MIS18BP1: variants seen among roughly 807,000 people sequenced by gnomAD.
MIS18BP1 encodes the protein MIS18 binding protein 1.
A neutral mutation model predicts 116.1 loss-of-function variants in MIS18BP1; 72 were observed. The ratio of observed to expected loss-of-function variants is 0.62; its 90% CI spans 0.51 to 0.75. The LOEUF is 0.75. Ranked by LOEUF, MIS18BP1 falls within the 30% of genes least tolerant of loss-of-function variation. The pLI is 0.00. For missense variants in MIS18BP1, 1,363 were observed against 1,303.2 expected (o/e 1.05, Z -0.71); for synonymous variants, 386 against 427.0 (o/e 0.90, Z 1.18).
In MIS18BP1 at chr14:45,253,057, G is replaced by A. The variant is rs1316547553; in HGVS notation, c.-114C>T. ...TACCTTGGATGAAGAGCCTGGCAGGGAGAGACTGCCGCAGTTCCGGCTCGG... is the reference window on the plus strand; with the variant it reads ...TACCTTGGATGAAGAGCCTGGCAGGAAGAGACTGCCGCAGTTCCGGCTCGG... On this transcript the variant is annotated 5_prime_UTR_variant, in exon 1 of 17. Transcript: ENST00000310806. 2 of 152,412 alleles carry A rather than the reference G, an allele frequency of 1.3e-5. No individual in the cohort carries two copies. Among genetic ancestry groups the A allele is most frequent in the East Asian group, 3.8e-4 (2 of 5,208 alleles). 9.4% of individuals were successfully genotyped at this position (152,412 alleles called of 1,614,324 possible).
chr14:45,226,757 T>C lies in MIS18BP1; in HGVS notation c.1826A>G (p.Lys609Arg). The change falls in exon 10 of 17, where the codon AAA becomes AGA. Residue 609 changes from lysine to arginine, a missense_variant. Transcript: ENST00000310806. ...IGERTNERII[K>R]SQKQETTEEL... ...AGATATATTACCTTGCTTCTGACTT[T>C]TTATTATCCTTTCATTTGTTCTTTC... 1.4e-6 allele frequency: 2 copies of C among 1,396,656 alleles called. No individual in the cohort carries two copies. The highest frequency in any genetic ancestry group is 5.4e-5 in the East Asian group (2 of 36,834). The allele number at this position is 1,396,656 out of a possible 1,614,324, so 86.5% of individuals were successfully genotyped here. A position where few individuals can be genotyped will look rare whatever the true frequency, so the allele number is the denominator to read the frequency against.
chr14:45,251,426 C>G (rs888519736), intron 1 of MIS18BP1, among the ~76,000 whole-genome samples: 1 of 151,990 alleles, frequency 6.6e-6, no homozygotes, highest in Non-Finnish European at 1.5e-5. Flanking sequence ...TGAAGCTAAA[C>G]AATTATGTAT....
intron 11 of MIS18BP1, among the ~76,000 whole-genome samples, chr14:45,219,732 T>A (rs1465103908): frequency 6.6e-6 from 1 of 152,208 alleles, no homozygotes; most frequent in Non-Finnish European, 1.5e-5. Context: ...TTCTTTTACA[T>A]AATTAATCAT....
intron 12 of MIS18BP1, 101 bp from the exon 13 acceptor site, chr14:45,217,280 T>TAA (rs201349776): frequency 2.2e-6 from 3 of 1,379,518 alleles, no homozygotes; most frequent in South Asian, 1.4e-5. Flanking sequence ...GCATTCATGT[T>TAA]AAAAAAAAAC....
At chr14:45,247,844 T>C (rs1891763679) in intron 1 of MIS18BP1, among the ~76,000 whole-genome samples, 1 of 152,178 alleles carries the variant, frequency 6.6e-6, no homozygotes, top group African/African-American at 2.4e-5. Flanking sequence ...TCTATTCTAA[T>C]AAAAGCTAAA....
intron 1 of MIS18BP1, among the ~76,000 whole-genome samples, chr14:45,252,158 T>G (rs1020444932): frequency 1.3e-5 from 2 of 152,144 alleles, no homozygotes; most frequent in Non-Finnish European, 2.9e-5. Flanking sequence ...CTCCATAGCT[T>G]CAGTTATTTA....
chr14:45,242,590 T>G (rs1891612192), intron 3 of MIS18BP1, 72 bp from the exon 4 acceptor site: 24 of 1,507,516 alleles, frequency 1.6e-5, no homozygotes, highest in Non-Finnish European at 2.1e-5. Flanking sequence ...AGAGATAAAT[T>G]TAGGTTAGGA....
rs566002458 is a variant in MIS18BP1, at chr14:45,227,579, CCT to C, written c.1746+82_1746+83del. 1,707 of 1,169,916 alleles carry C rather than the reference CCT, an allele frequency of 1.5e-3. 7 individuals carry two copies. Among genetic ancestry groups the C allele is most frequent in the South Asian group, 4.1e-3 (251 of 61,636 alleles). 72.5% of individuals were successfully genotyped at this position (1,169,916 alleles called of 1,614,324 possible). ...AAAAAAAAAAAACAGAACTCACGTC[CCT>C]GATATGGTCCCAAACCTTTTCAGTA... On this transcript the variant is annotated intron_variant, in intron 9 of 16. Coordinates refer to ENST00000310806, the MANE Select transcript of MIS18BP1 (RefSeq NM_018353.5).
In MIS18BP1 at chr14:45,223,919, A is replaced by G; in HGVS notation, c.2668T>C (p.Cys890Arg). Reference protein sequence around the residue: ...WNEKELQKLHCAFASLPKHKP... With the variant: ...WNEKELQKLHRAFASLPKHKP... Reference sequence around the variant, plus strand: ...TCGGAATGAAATCTAACTACTTACCAATGAAGTTTCTGTAACTCCTTCTCA... The same window carrying G: ...TCGGAATGAAATCTAACTACTTACCGATGAAGTTTCTGTAACTCCTTCTCA... Residue 890 changes from cysteine (C) to arginine (R), a missense_variant and splice_region_variant, in exon 11 of 17, where the codon TGT becomes CGT. Coordinates refer to ENST00000310806, the MANE Select transcript of MIS18BP1 (RefSeq NM_018353.5). 1 of 1,565,004 alleles carries G rather than the reference A, an allele frequency of 6.4e-7. No homozygotes were observed. Among genetic ancestry groups the G allele is most frequent in the Non-Finnish European group, 8.6e-7 (1 of 1,161,390 alleles).
intron 2 of MIS18BP1, among the ~76,000 whole-genome samples, 181 bp from the exon 3 acceptor site, chr14:45,243,055 A>T (rs1359239259): frequency 6.6e-6 from 1 of 152,166 alleles, no homozygotes; most frequent in Non-Finnish European, 1.5e-5. Flanking sequence ...TTATCTTCTC[A>T]TACCTTTACC....
chr14:45,249,043 C>A (rs1891798328), intron 1 of MIS18BP1, among the ~76,000 whole-genome samples: 1 of 151,288 alleles, frequency 6.6e-6, no homozygotes, highest in Non-Finnish European at 1.5e-5. Context: ...GTAGCTGGGA[C>A]CACAAGTGTG....
intron 4 of MIS18BP1, 134 bp downstream of exon 4, chr14:45,241,900 A>G (rs1409428994): frequency 1.2e-5 from 11 of 938,662 alleles, no homozygotes; most frequent in Admixed American, 2.5e-5. Flanking sequence ...ATGATAATGA[A>G]GACACTGTTA....
rs1049033944 is a variant in MIS18BP1, at chr14:45,225,991, C to T, written c.1840+752G>A. Among the ~76,000 whole-genome samples, 3 of 152,250 alleles carry T rather than the reference C, an allele frequency of 2.0e-5. No homozygotes were observed. In the South Asian group the frequency reaches 6.2e-4, roughly 32 times the overall value. On this transcript the variant is annotated intron_variant, in intron 10 of 16. Coordinates refer to ENST00000310806, the MANE Select transcript of MIS18BP1 (RefSeq NM_018353.5). The stretch of plus-strand genomic sequence containing the variant: ...TAGAAAGTGTCTACAAGATTTTCCA[C>T]TGGCATCATATATCTTCAAATTATG...
intron 16 of MIS18BP1, 42 bp downstream of exon 16, chr14:45,204,357 A>C: frequency 6.3e-7 from 1 of 1,575,292 alleles, no homozygotes; most frequent in Non-Finnish European, 8.6e-7. Flanking sequence ...AACCTACCTT[A>C]TAATAGAACT....
chr14:45,215,835 G>T (rs1359413355), intron 13 of MIS18BP1, among the ~76,000 whole-genome samples: 1 of 151,810 alleles, frequency 6.6e-6, no homozygotes, highest in Admixed American at 6.6e-5. Flanking sequence ...CTCCCGAGTA[G>T]CTGGGACTAC....
intron 6 of MIS18BP1, among the ~76,000 whole-genome samples, chr14:45,233,750 A>G (rs1891350041): frequency 6.6e-6 from 1 of 152,190 alleles, no homozygotes; most frequent in African/African-American, 2.4e-5. Flanking sequence ...ACATGGAAAG[A>G]TGGGGAAGAA....
chr14:45,220,374 AAT>A (rs749939681), intron 11 of MIS18BP1, among the ~76,000 whole-genome samples: 1 of 152,090 alleles, frequency 6.6e-6, no homozygotes, highest in Non-Finnish European at 1.5e-5. Context: ...ATATAGTTTA[AAT>A]ATGTGTCCCT....
intron 6 of MIS18BP1, among the ~76,000 whole-genome samples, chr14:45,235,488 G>A (rs1891400072): frequency 6.7e-6 from 1 of 150,368 alleles, no homozygotes; most frequent in Non-Finnish European, 1.5e-5. Flanking sequence ...TACTCAGGAG[G>A]CTGAGGCAGG....
chr14:45,246,652 G>T, intron 2 of MIS18BP1, 91 bp downstream of exon 2: 1 of 1,207,100 alleles, frequency 8.3e-7, no homozygotes, highest in Non-Finnish European at 1.1e-6. Flanking sequence ...TGTCCATTTT[G>T]TTCACTGCTA....
Sources: allele counts gnomAD v4.1 joint callset (sites outside exome capture counted in the v4.1 genomes callset), GRCh38; gene constraint gnomAD v4.1.1; transcripts MANE v1.5; gene names NCBI Gene and HGNC (gene_info 2026-07-23, HGNC 2026-07-21).